Variants in PIK3C2G observed in about 807,000 individuals in gnomAD.
The protein encoded by PIK3C2G is phosphatidylinositol 3-kinase C2 domain-containing subunit gamma.
In PIK3C2G, 168 loss-of-function variants were observed where a neutral mutation model predicts 181.1. That is an observed-to-expected ratio of 0.93 (90% CI 0.82 to 1.05). The LOEUF (loss-of-function observed/expected upper bound fraction) is 1.05, where lower values mean the gene tolerates loss of function less well. Ranked by LOEUF, PIK3C2G falls within the 50% of genes least tolerant of loss-of-function variation. The pLI, the probability that PIK3C2G is intolerant of heterozygous loss-of-function variation, is 0.00. For missense variants in PIK3C2G, 1,869 were observed against 1,732.8 expected (o/e 1.08, Z -1.40); for synonymous variants, 573 against 592.2 (o/e 0.97, Z 0.47).
At chr12:18,459,375 A>G (rs1947800730) in intron 18 of PIK3C2G, among the ~76,000 whole-genome samples, 1 of 152,212 alleles carries the variant, frequency 6.6e-6, no homozygotes, top group African/African-American at 2.4e-5. Context: ...AACCTACATG[A>G]AAAACCAGTT....
At chr12:18,505,546 T>C (rs1249024676) in intron 24 of PIK3C2G, 85 bp downstream of exon 24, 5 of 899,132 alleles carry the variant, frequency 5.6e-6, no homozygotes, top group African/African-American at 5.1e-5. Flanking sequence ...ACCCTGCTGA[T>C]GACTTGCTCC....
At chr12:18,317,117 G>C (rs1950902945) in intron 6 of PIK3C2G, among the ~76,000 whole-genome samples, 1 of 150,288 alleles carries the variant, frequency 6.7e-6, no homozygotes, top group Non-Finnish European at 1.5e-5. Context: ...GGGTTCAAGT[G>C]ATTCTCCTGC....
At chr12:18,661,078 G>A in the PIK3C2G span, among the ~76,000 whole-genome samples, 1 of 152,124 alleles carries the variant, frequency 6.6e-6, no homozygotes, top group Non-Finnish European at 1.5e-5. Flanking sequence ...TGATGAACTT[G>A]AGGACAGAAC....
At chr12:18,518,716 G>A (rs777880469) in intron 24 of PIK3C2G, among the ~76,000 whole-genome samples, 1 of 151,766 alleles carries the variant, frequency 6.6e-6, no homozygotes, top group Non-Finnish European at 1.5e-5. Flanking sequence ...GAGGTTTTTT[G>A]TATCTCTATC....
chr12:18,441,397 T>G (rs1946739047), intron 18 of PIK3C2G, among the ~76,000 whole-genome samples: 1 of 152,162 alleles, frequency 6.6e-6, no homozygotes, highest in Non-Finnish European at 1.5e-5. Flanking sequence ...AGAGTGTTGC[T>G]TCTTTGCTTT....
chr12:18,488,582 G>A lies in PIK3C2G; in HGVS notation c.2638G>A (p.Gly880Arg). Residue 880 changes from glycine to arginine, a missense_variant, in exon 19 of 33, where the codon GGA (glycine) becomes AGA (arginine). Gly to Arg is a moderately radical substitution (Grantham distance 125). Coordinates refer to ENST00000538779, the MANE Select transcript of PIK3C2G (RefSeq NM_001288772.2). ...GGAGCAGAAACTTATCAAAATTCTG[G>A]GAGATATTGGGGAAAGAGTCAAGTC... is the stretch of plus-strand genomic sequence containing the variant. ...SKEQKLIKILGDIGERVKSAS... is the reference protein window; with the variant it reads ...SKEQKLIKILRDIGERVKSAS... 1.9e-6 allele frequency: 3 copies of A among 1,569,594 alleles called. No homozygotes were observed. Among genetic ancestry groups the A allele is most frequent in the Non-Finnish European group, 2.6e-6 (3 of 1,157,926 alleles).
chr12:18,539,879 A>G (rs564949430), intron 25 of PIK3C2G, among the ~76,000 whole-genome samples: 3 of 152,018 alleles, frequency 2.0e-5, no homozygotes, highest in African/African-American at 7.2e-5. Flanking sequence ...GAAATCTTCA[A>G]GATTACTTTT....
chr12:18,479,370 G>C (rs925110917), intron 18 of PIK3C2G, among the ~76,000 whole-genome samples: 1 of 152,102 alleles, frequency 6.6e-6, no homozygotes, highest in Non-Finnish European at 1.5e-5. Context: ...CACAGCATAA[G>C]GCTAAAGAGC....
intron 18 of PIK3C2G, among the ~76,000 whole-genome samples, chr12:18,435,371 A>G (rs910702754): frequency 6.6e-6 from 1 of 151,688 alleles, no homozygotes; most frequent in Non-Finnish European, 1.5e-5. Flanking sequence ...CTTCACTTTC[A>G]TTCTTACCTA....
chr12:18,373,710 G>A (rs570552259), intron 13 of PIK3C2G, among the ~76,000 whole-genome samples: 6 of 152,096 alleles, frequency 3.9e-5, no homozygotes, highest in South Asian at 2.1e-4. Context: ...AAAATTAGCC[G>A]GCCGTGGTGG....
Position 18,497,719 on chromosome 12 carries a change from A to G in PIK3C2G, c.2987A>G (p.Tyr996Cys). 2 of 1,612,430 alleles carry G rather than the reference A, an allele frequency of 1.2e-6. No homozygotes were observed. The highest frequency in any genetic ancestry group is 1.7e-6 in the Non-Finnish European group (2 of 1,178,850). Residue 996 changes from tyrosine to cysteine, a missense_variant, in exon 22 of 33, where the codon TAT becomes TGT. Transcript: ENST00000538779. ...GGCTTGGATATGCAAATGATCATTT[A>G]TAGATGTCTATCCACAGGAAAAGAC... ...QEGLDMQMII[Y>C]RCLSTGKDQG... is the part of the protein sequence containing the mutation.
intron 1 of PIK3C2G, among the ~76,000 whole-genome samples, chr12:18,248,799 T>TA (rs1209939404): frequency 2.6e-5 from 4 of 152,200 alleles, no homozygotes; most frequent in African/African-American, 7.2e-5. Context: ...TTACTCAACA[T>TA]AAATGTGTTT....
At chr12:18,432,283 T>G (rs1396636459) in intron 18 of PIK3C2G, among the ~76,000 whole-genome samples, 1 of 152,174 alleles carries the variant, frequency 6.6e-6, no homozygotes, top group Non-Finnish European at 1.5e-5. Flanking sequence ...CATTTTTCCC[T>G]CAAAATCTTC....
intron 16 of PIK3C2G, among the ~76,000 whole-genome samples, chr12:18,417,032 T>C (rs1300275031): frequency 6.6e-6 from 1 of 151,998 alleles, no homozygotes. Flanking sequence ...TGGGAAGAGG[T>C]CAAAACATCA....
At chr12:18,257,448 T>C (rs1948156954), upstream of PIK3C2G, among the ~76,000 whole-genome samples, 1 of 152,052 alleles carries the variant, frequency 6.6e-6, no homozygotes, top group South Asian at 2.1e-4. Flanking sequence ...GGGACTGAGA[T>C]CACCACTGGG....
the PIK3C2G span, chr12:18,699,763 C>T: frequency 6.3e-7 from 1 of 1,591,566 alleles, no homozygotes; most frequent in Non-Finnish European, 8.6e-7. Context: ...CTCATTTAAA[C>T]ATTTCATCTA....
upstream of PIK3C2G, among the ~76,000 whole-genome samples, chr12:18,245,892 C>G (rs903224215): frequency 6.6e-6 from 1 of 152,026 alleles, no homozygotes; most frequent in African/African-American, 2.4e-5. Context: ...TATGGACTAC[C>G]TAGAGCAATG....
chr12:18,489,210 T>C (rs1792557205), intron 19 of PIK3C2G, among the ~76,000 whole-genome samples: 1 of 152,072 alleles, frequency 6.6e-6, no homozygotes, highest in Non-Finnish European at 1.5e-5. Context: ...CCTATACTGA[T>C]ATACACCATT....
At chr12:18,250,638 C>G (rs1948087028) in intron 1 of PIK3C2G, among the ~76,000 whole-genome samples, 1 of 152,020 alleles carries the variant, frequency 6.6e-6, no homozygotes, top group Non-Finnish European at 1.5e-5. Flanking sequence ...ACTGCCCTTT[C>G]CTTGCTAACA....
Sources: gnomAD v4.1 joint callset for allele counts (sites outside exome capture counted in the v4.1 genomes callset) on GRCh38, gnomAD v4.1.1 for gene constraint, MANE v1.5 for transcripts, NCBI Gene and HGNC (gene_info 2026-07-23, HGNC 2026-07-21) for gene names.